The following TMEM132D variants were observed in gnomAD, a reference collection of about 807,000 sequenced individuals.
The protein encoded by TMEM132D is transmembrane protein 132D, also known as mature OL transmembrane protein.
In TMEM132D, 21 loss-of-function variants were observed where a neutral mutation model predicts 62.3. The ratio of observed to expected loss-of-function variants is 0.34; its 90% CI spans 0.24 to 0.49. The LOEUF is 0.49. Ranked by LOEUF, TMEM132D falls within the 20% of genes least tolerant of loss-of-function variation. TMEM132D has a pLI of 0.99. For missense variants in TMEM132D, 1,346 were observed against 1,402.8 expected, an observed-to-expected ratio of 0.96 and a Z score of 0.65; for synonymous variants, 621 against 575.6, an observed-to-expected ratio of 1.08 and a Z score of -1.13.
intron 2 of TMEM132D, among the ~76,000 whole-genome samples, chr12:129,599,436 T>C (rs534046760): frequency 6.6e-6 from 1 of 152,338 alleles, no homozygotes; most frequent in South Asian, 2.1e-4. Context: ...TCCAGTCAAA[T>C]GACAGTGAAT....
chr12:129,732,325 G>A (rs543637394), intron 1 of TMEM132D, among the ~76,000 whole-genome samples: 11 of 152,282 alleles, frequency 7.2e-5, no homozygotes, highest in East Asian at 5.8e-4. Flanking sequence ...GGTGGCTCAG[G>A]GTGGCCCCAG....
At chr12:129,085,762 A>G (rs1593254719) in intron 5 of TMEM132D, 1 of 152,366 alleles carries the variant, frequency 6.6e-6, no homozygotes, top group East Asian at 1.9e-4. Context: ...TCCAGAGCTC[A>G]GGCTGCCAAC....
chr12:129,763,585 T>C (rs951742835), intron 1 of TMEM132D, among the ~76,000 whole-genome samples: 1 of 152,092 alleles, frequency 6.6e-6, no homozygotes, highest in Admixed American at 6.6e-5. Flanking sequence ...GTTATGTGAG[T>C]TGATGGCACT....
chr12:129,231,561 C>T (rs1248698883), intron 4 of TMEM132D, among the ~76,000 whole-genome samples: 3 of 152,186 alleles, frequency 2.0e-5, no homozygotes, highest in Non-Finnish European at 4.4e-5. Flanking sequence ...CACACTATAA[C>T]CACTTTGTGA....
chr12:129,623,285 G>A (rs1286793761), intron 2 of TMEM132D, among the ~76,000 whole-genome samples: 1 of 151,924 alleles, frequency 6.6e-6, no homozygotes, highest in African/African-American at 2.4e-5. Context: ...TTTTTATTTT[G>A]TATTTTATTT....
At chr12:129,871,995 C>T (rs949607827) in intron 1 of TMEM132D, among the ~76,000 whole-genome samples, 4 of 152,170 alleles carry the variant, frequency 2.6e-5, no homozygotes, top group Non-Finnish European at 4.4e-5. Flanking sequence ...CACTCCCCAG[C>T]GAGCTGCTTC....
intron 3 of TMEM132D, among the ~76,000 whole-genome samples, chr12:129,411,346 G>A (rs894610160): frequency 3.3e-5 from 5 of 152,026 alleles, no homozygotes; most frequent in African/African-American, 1.2e-4. Flanking sequence ...GTTAGTTATC[G>A]GTTTAGCTTT....
intron 1 of TMEM132D, among the ~76,000 whole-genome samples, chr12:129,706,194 C>T (rs1049550801): frequency 1.3e-5 from 2 of 151,764 alleles, no homozygotes; most frequent in Non-Finnish European, 2.9e-5. Context: ...GATTCTCGAG[C>T]TGGCTCAAAA....
intron 1 of TMEM132D, among the ~76,000 whole-genome samples, chr12:129,866,499 G>A (rs948995989): frequency 1.3e-5 from 2 of 151,026 alleles, no homozygotes; most frequent in Non-Finnish European, 2.9e-5. Context: ...TGTAAATGAC[G>A]AGTTAATGAG....
chr12:129,343,859 A>C (rs1274205070), intron 3 of TMEM132D, among the ~76,000 whole-genome samples: 1 of 152,090 alleles, frequency 6.6e-6, no homozygotes, highest in Non-Finnish European at 1.5e-5. Flanking sequence ...TGAACACAGG[A>C]GGCAGAGGTT....
intron 1 of TMEM132D, among the ~76,000 whole-genome samples, chr12:129,744,675 C>A (rs1274975132): frequency 6.6e-6 from 1 of 152,076 alleles, no homozygotes; most frequent in East Asian, 1.9e-4. Flanking sequence ...AGAGTGAGCA[C>A]TTCCCTAAAT....
chr12:129,780,677 C>T (rs1013826264), intron 1 of TMEM132D, among the ~76,000 whole-genome samples: 6 of 152,042 alleles, frequency 3.9e-5, no homozygotes, highest in African/African-American at 1.4e-4. Flanking sequence ...AGGAAATGTC[C>T]GTAATTGGTG....
intron 2 of TMEM132D, among the ~76,000 whole-genome samples, chr12:129,553,315 T>TCA (rs1485248563): frequency 6.6e-6 from 1 of 152,202 alleles, no homozygotes; most frequent in Non-Finnish European, 1.5e-5. Context: ...GCTGCTGCTG[T>TCA]CAGGCTCGCC....
At chr12:129,810,734 C>G (rs954041099) in intron 1 of TMEM132D, among the ~76,000 whole-genome samples, 11 of 152,144 alleles carry the variant, frequency 7.2e-5, no homozygotes, top group African/African-American at 2.4e-4. Context: ...ACAAAACATT[C>G]AAACAAGTAT....
At chr12:129,431,810 C>T (rs1285699387) in intron 3 of TMEM132D, among the ~76,000 whole-genome samples, 3 of 152,130 alleles carry the variant, frequency 2.0e-5, no homozygotes, top group Non-Finnish European at 4.4e-5. Context: ...GTCTTTGGTC[C>T]ACCTCCCCTC....
intron 3 of TMEM132D, among the ~76,000 whole-genome samples, chr12:129,503,493 G>A (rs1256364087): frequency 1.3e-5 from 2 of 152,102 alleles, no homozygotes; most frequent in East Asian, 3.9e-4. Flanking sequence ...GACATTCCAA[G>A]CAAAGAAAAA....
intron 1 of TMEM132D, among the ~76,000 whole-genome samples, chr12:129,771,469 C>G (rs1480634292): frequency 6.6e-6 from 1 of 152,224 alleles, no homozygotes; most frequent in African/African-American, 2.4e-5. Context: ...TGACAAAACA[C>G]AGCAATGGGT....
intron 4 of TMEM132D, among the ~76,000 whole-genome samples, chr12:129,271,449 T>A (rs890809606): frequency 6.6e-6 from 1 of 151,766 alleles, no homozygotes; most frequent in African/African-American, 2.4e-5. Context: ...ACATGCAGGT[T>A]TGTTACACAG....
At chr12:129,709,764 T>C (rs1246613167) in intron 1 of TMEM132D, among the ~76,000 whole-genome samples, 4 of 152,198 alleles carry the variant, frequency 2.6e-5, no homozygotes, top group African/African-American at 9.7e-5. Flanking sequence ...TAAATTATTA[T>C]TGACTGAATA....
Sources: allele counts gnomAD v4.1 joint callset (sites outside exome capture counted in the v4.1 genomes callset), GRCh38; gene constraint gnomAD v4.1.1; transcripts MANE v1.5; gene names NCBI Gene and HGNC (gene_info 2026-07-23, HGNC 2026-07-21).